Variants in LAPTM5 observed in about 807,000 individuals in gnomAD.
LAPTM5 encodes lysosomal protein transmembrane 5.
Under a neutral mutation model 30.1 loss-of-function variants are expected in LAPTM5, and 11 were observed. The observed-to-expected ratio is 0.37, with a 90% CI of 0.23 to 0.60. LAPTM5 has a LOEUF of 0.60. Ranked by LOEUF, LAPTM5 falls within the 20% of genes least tolerant of loss-of-function variation. The pLI, the probability that LAPTM5 is intolerant of heterozygous loss-of-function variation, is 0.71. For synonymous variants in LAPTM5, 151 were observed against 137.9 expected (o/e 1.10, Z -0.67); for missense variants, 324 against 332.5 (o/e 0.97, Z 0.20).
chr1:30,737,055 G>C (rs1400206767), intron 6 of LAPTM5, among the ~76,000 whole-genome samples: 1 of 152,138 alleles, frequency 6.6e-6, no homozygotes, highest in African/African-American at 2.4e-5. Context: ...TTGTACTGCT[G>C]TGAACACACT....
rs76884088 is a variant in LAPTM5 at position 30,739,404 on chromosome 1, C to T, written c.388-342G>A. 1.2e-3 allele frequency among the ~76,000 whole-genome samples: 189 copies of T among 152,294 alleles called. 3 individuals carry two copies. In the East Asian group the frequency reaches 0.035, roughly 28 times the overall value. On this transcript the variant is annotated intron_variant, in intron 4 of 7. Coordinates refer to ENST00000294507, the MANE Select transcript of LAPTM5 (RefSeq NM_006762.3). This position sits in a 1 kb window ranked among gnomAD's most constrained non-coding sequence, Gnocchi z 4.2. Reference sequence around the variant, plus strand: ...AGCCCTCAAGCCACCCCACAGTGGGCGCTCACTGGCATGAATCATCCTTCT... The same window carrying T: ...AGCCCTCAAGCCACCCCACAGTGGGTGCTCACTGGCATGAATCATCCTTCT...
In LAPTM5 at chr1:30,748,667, A is replaced by G. The variant is rs531662462; in HGVS notation, c.88-6118T>C. ...CTCCAGCCAGCCCAGATACCACCAGACGCCCCCATTCCTGGGGCCACGCAC... is the reference window on the plus strand; with the variant it reads ...CTCCAGCCAGCCCAGATACCACCAGGCGCCCCCATTCCTGGGGCCACGCAC... On this transcript the variant is annotated intron_variant, in intron 1 of 7. Coordinates refer to ENST00000294507, the MANE Select transcript of LAPTM5 (RefSeq NM_006762.3). Among the ~76,000 whole-genome samples the G allele has an allele frequency of 2.0e-5, 3 of 152,252 alleles. No individual in the cohort carries two copies. The East Asian group carries it at 5.8e-4, about 29-fold the overall frequency.
At position 30,739,701 on chromosome 1, in the gene LAPTM5, C is replaced by G; in HGVS notation, c.387+108G>C. 1 of 1,318,020 alleles carries G rather than the reference C, an allele frequency of 7.6e-7. No homozygotes were observed. The highest frequency in any genetic ancestry group is 1.0e-6 in the Non-Finnish European group (1 of 992,358). The allele number at this position is 1,318,020 out of a possible 1,614,324, so 81.6% of individuals were successfully genotyped here. A position where few individuals can be genotyped will look rare whatever the true frequency, so the allele number is the denominator to read the frequency against. Reference sequence around the variant, plus strand: ...GTCAAGACACCAGCCAGGAAGAGGGCTCCTACCCTCCCCAGCCTGAGCACA... The same window carrying G: ...GTCAAGACACCAGCCAGGAAGAGGGGTCCTACCCTCCCCAGCCTGAGCACA... On this transcript the variant is annotated intron_variant, in intron 4 of 7. Coordinates refer to ENST00000294507, the MANE Select transcript of LAPTM5 (RefSeq NM_006762.3). The surrounding 1 kb of genome is among the most constrained non-coding windows in gnomAD (Gnocchi z 4.2).
intron 2 of LAPTM5, 34 bp downstream of exon 2, chr1:30,742,422 C>A: frequency 6.6e-7 from 1 of 1,512,784 alleles, no homozygotes; most frequent in South Asian, 1.1e-5. Flanking sequence ...TGTCCTCCTC[C>A]CCCCGCCACT....
chr1:30,742,180 A>C (rs575049144), intron 2 of LAPTM5: 277 of 519,330 alleles, frequency 5.3e-4, no homozygotes, highest in Non-Finnish European at 8.8e-4. Context: ...GACGGCTTTA[A>C]GCAGAAGAGT....
Position 30,740,333 on chromosome 1 carries a change from GA to G in LAPTM5, c.259-397del, listed in dbSNP as rs199569455. 6.4e-3 allele frequency among the ~76,000 whole-genome samples: 974 copies of G among 152,186 alleles called. 8 individuals are homozygous for G. Among genetic ancestry groups the G allele is most frequent in the African/African-American group, 0.021 (852 of 41,476 alleles). ...AAGGAGACTAGGAGTGAACAGGAGG[GA>G]GGGGCGGGGCACTGGAGGCAGAAAG... On this transcript the variant is annotated intron_variant, in intron 3 of 7. Transcript: ENST00000294507.
At chr1:30,741,803 G>T in intron 2 of LAPTM5, 87 bp from the exon 3 acceptor site, 1 of 946,846 alleles carries the variant, frequency 1.1e-6, no homozygotes, top group Non-Finnish European at 1.6e-6. Context: ...GGAACCACTG[G>T]TTTGGGGACA....
Position 30,733,739 on chromosome 1 carries a change from C to G in LAPTM5, c.*89G>C. Reference sequence around the variant, plus strand: ...CCTGCCAGGGAGGGGCGGGAGGGCCCACCCAGGCCACAGGGGCCACCAAAG... The same window carrying G: ...CCTGCCAGGGAGGGGCGGGAGGGCCGACCCAGGCCACAGGGGCCACCAAAG... On this transcript the variant is annotated 3_prime_UTR_variant, in exon 8 of 8. Coordinates refer to ENST00000294507, the MANE Select transcript of LAPTM5 (RefSeq NM_006762.3). 1 of 1,535,126 alleles carries G rather than the reference C, an allele frequency of 6.5e-7. No individual in the cohort carries two copies. Among genetic ancestry groups the G allele is most frequent in the Non-Finnish European group, 8.7e-7 (1 of 1,145,480 alleles).
At chr1:30,738,785 G>A (rs902535424) in intron 5 of LAPTM5, among the ~76,000 whole-genome samples, 155 bp downstream of exon 5, 4 of 152,088 alleles carry the variant, frequency 2.6e-5, no homozygotes, top group Admixed American at 6.5e-5. Flanking sequence ...TTCTTCCTGA[G>A]AGGGCTCCCT....
At chr1:30,756,659 C>T (rs979354428) in intron 1 of LAPTM5, among the ~76,000 whole-genome samples, 1 of 152,228 alleles carries the variant, frequency 6.6e-6, no homozygotes, top group Non-Finnish European at 1.5e-5. Context: ...CTTGCCACAG[C>T]TCTGCCTGCC....
intron 2 of LAPTM5, 27 bp from the exon 3 acceptor site, chr1:30,741,743 G>T: frequency 6.4e-7 from 1 of 1,562,982 alleles, no homozygotes; most frequent in Non-Finnish European, 8.7e-7. Context: ...GCAGGGAGGT[G>T]CTCAGGGGTG....
chr1:30,745,613 G>GTTTT (rs1640032235), intron 1 of LAPTM5, among the ~76,000 whole-genome samples: 1 of 152,226 alleles, frequency 6.6e-6, no homozygotes, highest in Non-Finnish European at 1.5e-5. Context: ...ACTCATAGAG[G>GTTTT]GCAGGGGACC....
intron 1 of LAPTM5, 68 bp from the exon 2 acceptor site, chr1:30,742,617 T>G (rs1432250286): frequency 3.9e-6 from 5 of 1,295,238 alleles, no homozygotes; most frequent in Non-Finnish European, 5.5e-6. Flanking sequence ...CCCTCCCACC[T>G]TAGTGGTGTA....
intron 1 of LAPTM5, among the ~76,000 whole-genome samples, chr1:30,754,549 CA>C (rs1484003927): frequency 6.6e-6 from 1 of 151,896 alleles, no homozygotes; most frequent in Non-Finnish European, 1.5e-5. Context: ...AAAACAAAAA[CA>C]AAACAAAACA....
chr1:30,749,376 G>A (rs945881356), intron 1 of LAPTM5, among the ~76,000 whole-genome samples: 10 of 152,196 alleles, frequency 6.6e-5, no homozygotes, highest in Admixed American at 5.2e-4. Context: ...TCTGGGTGCT[G>A]GTCTGATTTC....
At chr1:30,751,459 C>T (rs920914082) in intron 1 of LAPTM5, among the ~76,000 whole-genome samples, 1 of 152,236 alleles carries the variant, frequency 6.6e-6, no homozygotes, top group Non-Finnish European at 1.5e-5. Flanking sequence ...AGGAGTGGGG[C>T]CAGGCACTAT....
rs141803740 is a variant in LAPTM5, at chr1:30,745,527, C to CT, written c.88-2979_88-2978insA. Among the ~76,000 whole-genome samples the CT allele has an allele frequency of 5.6e-3, 849 of 152,346 alleles. 13 individuals carry two copies. Among genetic ancestry groups the CT allele is most frequent in the African/African-American group, 0.019 (797 of 41,576 alleles). On this transcript the variant is annotated intron_variant, in intron 1 of 7. Coordinates refer to ENST00000294507, the MANE Select transcript of LAPTM5 (RefSeq NM_006762.3). ...TTTAAAACCCAGGCTCACCCTCCCC[C>CT]ATTTCACCTTTTCTCAACAACCCTG...
chr1:30,749,601 G>C (rs1640100873), intron 1 of LAPTM5, among the ~76,000 whole-genome samples: 1 of 152,210 alleles, frequency 6.6e-6, no homozygotes, highest in South Asian at 2.1e-4. Flanking sequence ...ATCCAGGCCA[G>C]AGGGCACGAC....
intron 2 of LAPTM5, chr1:30,742,189 G>A (rs1639980525): frequency 3.8e-6 from 2 of 533,046 alleles, no homozygotes; most frequent in Admixed American, 3.3e-5. Flanking sequence ...AAGCAGAAGA[G>A]TGAGGCTATC....
Sources: gnomAD v4.1 joint callset for allele counts (sites outside exome capture counted in the v4.1 genomes callset) on GRCh38, gnomAD v4.1.1 for gene constraint, Gnocchi (gnomAD v3.1) non-coding constraint, MANE v1.5 for transcripts, NCBI Gene and HGNC (gene_info 2026-07-23, HGNC 2026-07-21) for gene names.